Variants in FOXP1 observed in about 807,000 individuals in gnomAD.
FOXP1 encodes forkhead box P1, also known as forkhead box protein P1.
FOXP1 carries 15 observed loss-of-function variants against 98.2 expected under a neutral mutation model. The observed-to-expected ratio is 0.15, with a 90% CI of 0.10 to 0.24. FOXP1 has a LOEUF of 0.24. Among genes scored for constraint, FOXP1 ranks in the 10% least tolerant of loss-of-function variants. FOXP1 has a pLI of 1.00. For missense variants in FOXP1, 633 were observed against 848.5 expected (o/e 0.75, Z 3.15); for synonymous variants, 371 against 314.5 (o/e 1.18, Z -1.90).
At chr3:71,555,146 T>C (rs1306916697) in intron 2 of FOXP1, among the ~76,000 whole-genome samples, 1 of 152,214 alleles carries the variant, frequency 6.6e-6, no homozygotes, top group East Asian at 1.9e-4. Flanking sequence ...CCATAAAACC[T>C]ACTTTATTAA....
intron 12 of FOXP1, among the ~76,000 whole-genome samples, chr3:71,013,478 C>T (rs2043965915): frequency 6.6e-6 from 1 of 152,100 alleles, no homozygotes; most frequent in Admixed American, 6.5e-5. Flanking sequence ...AACTACAAAC[C>T]ACTGCTCAAT....
intron 2 of FOXP1, among the ~76,000 whole-genome samples, chr3:71,498,554 A>C (rs1037932718): frequency 2.6e-5 from 4 of 152,208 alleles, no homozygotes; most frequent in Non-Finnish European, 4.4e-5. Flanking sequence ...AAATGTAATC[A>C]AGTATTCCAT....
At chr3:71,347,888 A>C (rs1456993678) in intron 4 of FOXP1, among the ~76,000 whole-genome samples, 1 of 22,222 alleles carries the variant, frequency 4.5e-5, no homozygotes, top group Non-Finnish European at 2.0e-4. Flanking sequence ...CTGTCTCACA[A>C]AAAAAAAAAA....
intron 5 of FOXP1, among the ~76,000 whole-genome samples, chr3:71,237,620 G>C (rs1232749680): frequency 6.6e-6 from 1 of 152,220 alleles, no homozygotes; most frequent in Non-Finnish European, 1.5e-5. Flanking sequence ...AACGGTGCTA[G>C]GAAAGGAGTA....
intron 17 of FOXP1, 95 bp from the exon 18 acceptor site, chr3:70,972,771 A>C: frequency 7.8e-7 from 1 of 1,284,236 alleles, no homozygotes; most frequent in Non-Finnish European, 1.1e-6. Flanking sequence ...ACATTTGTAA[A>C]ACCATCCCCA....
At chr3:71,075,477 C>A (rs1362851459) in intron 7 of FOXP1, among the ~76,000 whole-genome samples, 12 of 152,182 alleles carry the variant, frequency 7.9e-5, no homozygotes, top group Admixed American at 7.9e-4. Context: ...GATCCTCACT[C>A]CAAAATTTAA....
At chr3:71,316,039 A>G (rs1006139609) in intron 4 of FOXP1, among the ~76,000 whole-genome samples, 9 of 152,144 alleles carry the variant, frequency 5.9e-5, no homozygotes, top group South Asian at 2.1e-4. Context: ...TGGAGAGATC[A>G]TTTCATTAGG....
intron 11 of FOXP1, among the ~76,000 whole-genome samples, chr3:71,023,121 G>T (rs943509909): frequency 6.6e-6 from 1 of 151,938 alleles, no homozygotes; most frequent in Non-Finnish European, 1.5e-5. Flanking sequence ...CACCATTTAG[G>T]ACTTTCATCC....
intron 12 of FOXP1, 138 bp from the exon 13 acceptor site, chr3:71,001,197 T>C (rs2042081503): frequency 1.5e-6 from 1 of 686,112 alleles, no homozygotes; most frequent in Non-Finnish European, 2.6e-6. Flanking sequence ...GCCTGTCCTT[T>C]CCATCCCCAC....
chr3:71,167,544 T>C (rs976308748), intron 6 of FOXP1, among the ~76,000 whole-genome samples: 1 of 152,186 alleles, frequency 6.6e-6, no homozygotes, highest in Non-Finnish European at 1.5e-5. Flanking sequence ...ATGAAAAACA[T>C]GGTTTTAGAA....
intron 9 of FOXP1, among the ~76,000 whole-genome samples, chr3:71,050,925 T>C (rs2049800499): frequency 6.6e-6 from 1 of 152,240 alleles, no homozygotes; most frequent in South Asian, 2.1e-4. Context: ...TTAATTTATA[T>C]GCTCTTGAAT....
At position 71,464,231 on chromosome 3, in the gene FOXP1, G is replaced by C. The variant is rs574232960; in HGVS notation, c.-168+29195C>G. On this transcript the variant is annotated intron_variant, in intron 3 of 20. Coordinates refer to ENST00000649528, the MANE Select transcript of FOXP1 (RefSeq NM_001349338.3). ...ACGGAGGTTGCAGTGAGCCATAATC[G>C]TATCACTGCACTCCAGCCTGGGCGA... is the stretch of plus-strand genomic sequence containing the variant. Among the ~76,000 whole-genome samples, 7 of 152,264 alleles carry C rather than the reference G, an allele frequency of 4.6e-5. No individual in the cohort carries two copies. The East Asian group carries it at 1.4e-3, about 29-fold the overall frequency.
chr3:71,495,960 C>T (rs2091378096), intron 2 of FOXP1, among the ~76,000 whole-genome samples: 1 of 152,172 alleles, frequency 6.6e-6, no homozygotes, highest in South Asian at 2.1e-4. Flanking sequence ...GAAATCCTCA[C>T]TTTATCAGCT....
chr3:71,517,657 G>A (rs1428120960), intron 2 of FOXP1, among the ~76,000 whole-genome samples: 1 of 152,162 alleles, frequency 6.6e-6, no homozygotes, highest in Non-Finnish European at 1.5e-5. Flanking sequence ...ATACCAGAGA[G>A]AAGAGAAAAC....
At position 70,955,830 on chromosome 3, in the gene FOXP1, G is replaced by GCACACA. The variant is rs886058826; in HGVS notation, c.*3416_*3417insTGTGTG. The GCACACA allele has an allele frequency of 1.6e-3, 329 of 205,768 alleles. No homozygotes were observed. Among genetic ancestry groups the GCACACA allele is most frequent in the African/African-American group, 9.0e-3 (240 of 26,716 alleles). The allele number at this position is 205,768 out of a possible 1,614,324, so 12.7% of individuals were successfully genotyped here. On this transcript the variant is annotated 3_prime_UTR_variant, in exon 21 of 21. Transcript: ENST00000649528. Reference sequence around the variant, plus strand: ...AAAACAGATTAACACACACGCACGCGCGCACACACACACACACACACACAC... The same window carrying GCACACA: ...AAAACAGATTAACACACACGCACGCGCACACACGCACACACACACACACACACACAC...
At chr3:71,242,506 A>G (rs2067368734) in intron 5 of FOXP1, among the ~76,000 whole-genome samples, 1 of 152,216 alleles carries the variant, frequency 6.6e-6, no homozygotes, top group Admixed American at 6.5e-5. Context: ...ATCAGCATGC[A>G]CACAAATTTC....
At chr3:71,511,247 C>A (rs1383355042) in intron 2 of FOXP1, among the ~76,000 whole-genome samples, 1 of 152,050 alleles carries the variant, frequency 6.6e-6, no homozygotes, top group East Asian at 1.9e-4. Context: ...GCTGGCTTGG[C>A]CAGACTGTGA....
intron 4 of FOXP1, chr3:71,333,263 C>T (rs77213751): frequency 6.6e-6 from 1 of 152,026 alleles, no homozygotes; most frequent in South Asian, 2.1e-4. Flanking sequence ...TAGAAAGTAA[C>T]CCAAAAGAGA....
chr3:71,446,819 C>G (rs1211365285), intron 3 of FOXP1, among the ~76,000 whole-genome samples: 1 of 152,238 alleles, frequency 6.6e-6, no homozygotes, highest in East Asian at 1.9e-4. Flanking sequence ...CTGCACATTC[C>G]TCAGCAGGAG....
Sources: allele counts gnomAD v4.1 joint callset (sites outside exome capture counted in the v4.1 genomes callset), GRCh38; gene constraint gnomAD v4.1.1; transcripts MANE v1.5; gene names NCBI Gene and HGNC (gene_info 2026-07-23, HGNC 2026-07-21).